The following GRID2 variants were observed in gnomAD, a reference collection of about 807,000 sequenced individuals.
GRID2 encodes the protein glutamate receptor ionotropic, delta-2.
A neutral mutation model predicts 114.8 loss-of-function variants in GRID2; 33 were observed. The ratio of observed to expected loss-of-function variants is 0.29; its 90% confidence interval spans 0.22 to 0.38. The LOEUF is 0.38. Among genes scored for constraint, GRID2 ranks in the 10% least tolerant of loss-of-function variants. GRID2 has a pLI of 1.00. For missense variants in GRID2, 1,184 were observed against 1,257.7 expected, an observed-to-expected ratio of 0.94 and a Z score of 0.89; for synonymous variants, 505 against 449.9, an observed-to-expected ratio of 1.12 and a Z score of -1.55.
chr4:93,282,946 T>C (rs1017196558), intron 8 of GRID2, among the ~76,000 whole-genome samples: 2 of 151,908 alleles, frequency 1.3e-5, no homozygotes, highest in Non-Finnish European at 2.9e-5. Flanking sequence ...TCACATGAAC[T>C]CAGAGGAAGA....
At chr4:92,541,812 T>C (rs1283545977) in intron 1 of GRID2, among the ~76,000 whole-genome samples, 4 of 152,122 alleles carry the variant, frequency 2.6e-5, no homozygotes, top group Admixed American at 6.6e-5. Context: ...AATTTACTGT[T>C]AGAGAATCCT....
intron 13 of GRID2, among the ~76,000 whole-genome samples, chr4:93,624,758 C>A (rs1225294760): frequency 6.6e-6 from 1 of 151,958 alleles, no homozygotes; most frequent in Non-Finnish European, 1.5e-5. Flanking sequence ...TTCTTAAGTC[C>A]ATTTTTATAT....
chr4:92,923,169 A>T (rs544394297), intron 2 of GRID2, among the ~76,000 whole-genome samples: 1 of 152,202 alleles, frequency 6.6e-6, no homozygotes, highest in African/African-American at 2.4e-5. Context: ...CTTAATGCAT[A>T]TTGGTTTAAA....
intron 2 of GRID2, among the ~76,000 whole-genome samples, chr4:92,623,976 T>C (rs1431418541): frequency 6.6e-6 from 1 of 151,814 alleles, no homozygotes; most frequent in African/African-American, 2.4e-5. Context: ...AGCTACTTCC[T>C]AGAATTTACT....
intron 2 of GRID2, among the ~76,000 whole-genome samples, chr4:92,797,574 C>G (rs927296962): frequency 6.6e-6 from 1 of 151,866 alleles, no homozygotes; most frequent in Non-Finnish European, 1.5e-5. Flanking sequence ...GATTTGCATA[C>G]ACTTTTAAGT....
intron 4 of GRID2, among the ~76,000 whole-genome samples, chr4:93,140,617 G>A (rs1735688684): frequency 6.6e-6 from 1 of 152,096 alleles, no homozygotes; most frequent in African/African-American, 2.4e-5. Context: ...AAATGTTACT[G>A]ATACATTACA....
At chr4:93,067,763 T>TA (rs200892535) in intron 2 of GRID2, among the ~76,000 whole-genome samples, 5,889 of 150,962 alleles carry the variant, frequency 0.039, 144 homozygotes, top group African/African-American at 0.044. Context: ...ACTGTGCCTG[T>TA]AAAAAAAAAT....
At chr4:92,697,283 G>C (rs1336513179) in intron 2 of GRID2, among the ~76,000 whole-genome samples, 1 of 152,108 alleles carries the variant, frequency 6.6e-6, no homozygotes, top group African/African-American at 2.4e-5. Flanking sequence ...TTACATAACA[G>C]AGGAAATGAA....
At chr4:92,385,900 GTATATATA>G (rs34904839) in intron 1 of GRID2, among the ~76,000 whole-genome samples, 12 of 61,090 alleles carry the variant, frequency 2.0e-4, no homozygotes, top group Admixed American at 8.1e-4. Flanking sequence ...GTGTGTGTGT[GTATATATA>G]TATATATATA....
At chr4:92,316,012 A>AAG (rs1389607531) in intron 1 of GRID2, among the ~76,000 whole-genome samples, 8 of 151,092 alleles carry the variant, frequency 5.3e-5, no homozygotes, top group African/African-American at 1.9e-4. Context: ...AAAAAAAAAA[A>AAG]AAGAAAAGAG....
At chr4:93,614,788 A>G (rs1306673155) in intron 13 of GRID2, among the ~76,000 whole-genome samples, 2 of 152,222 alleles carry the variant, frequency 1.3e-5, no homozygotes, top group Non-Finnish European at 2.9e-5. Context: ...TTTAAGACAT[A>G]TAAGTGTGAA....
intron 2 of GRID2, among the ~76,000 whole-genome samples, chr4:92,942,588 A>G (rs1751244186): frequency 1.3e-5 from 2 of 152,096 alleles, no homozygotes; most frequent in Admixed American, 6.6e-5. Context: ...TCCTATTGTT[A>G]TGTGTGAATT....
intron 7 of GRID2, among the ~76,000 whole-genome samples, chr4:93,230,150 G>C (rs909646906): frequency 2.9e-5 from 1 of 34,548 alleles, no homozygotes; most frequent in Non-Finnish European, 6.4e-5. Flanking sequence ...GTGTATGCGT[G>C]TGTGTGTGTG....
chr4:93,458,131 C>G (rs1241634083), intron 11 of GRID2, among the ~76,000 whole-genome samples: 1 of 152,154 alleles, frequency 6.6e-6, no homozygotes, highest in African/African-American at 2.4e-5. Flanking sequence ...GAGGAGCACT[C>G]AGTGGTGCCT....
At chr4:92,769,729 A>C (rs1283952460) in intron 2 of GRID2, among the ~76,000 whole-genome samples, 1 of 152,182 alleles carries the variant, frequency 6.6e-6, no homozygotes, top group African/African-American at 2.4e-5. Flanking sequence ...CCCAAGGTGT[A>C]CCTTGGCCCC....
chr4:92,469,616 C>T (rs1316554960), intron 1 of GRID2, among the ~76,000 whole-genome samples: 1 of 150,868 alleles, frequency 6.6e-6, no homozygotes, highest in Non-Finnish European at 1.5e-5. Flanking sequence ...ATGTGGAATC[C>T]AAGAATACAG....
rs760541877 is a variant in GRID2 at position 93,455,838 on chromosome 4, T to G, written c.1722T>G (p.Ala574=). ...PFDLSLWACI[A]GTVLLVGLLV... is the part of the protein sequence containing the mutation. ...ATCTCTCTCTATGGGCTTGCATTGC[T>G]GGCACAGTCCTTCTGGTGGGTCTAC... Residue 574 remains alanine (A), a synonymous_variant, in exon 11 of 16, where the codon GCT becomes GCG. Transcript: ENST00000282020. The G allele has an allele frequency of 6.2e-7, 1 of 1,613,160 alleles. No individual in the cohort carries two copies.
chr4:92,990,303 A>ATGTG (rs1377957112), intron 2 of GRID2, among the ~76,000 whole-genome samples: 3 of 137,292 alleles, frequency 2.2e-5, no homozygotes, highest in African/African-American at 8.1e-5. Context: ...ATATATATAT[A>ATGTG]TATGTGTGTG....
intron 8 of GRID2, among the ~76,000 whole-genome samples, chr4:93,283,292 A>G (rs747182771): frequency 3.9e-5 from 6 of 152,022 alleles, no homozygotes; most frequent in Non-Finnish European, 7.4e-5. Flanking sequence ...ATCCACAGCC[A>G]CTGATGTCAA....
Sources: gnomAD v4.1 joint callset for allele counts (sites outside exome capture counted in the v4.1 genomes callset) on GRCh38, gnomAD v4.1.1 for gene constraint, MANE v1.5 for transcripts, NCBI Gene and HGNC (gene_info 2026-07-23, HGNC 2026-07-21) for gene names.